Variants in FRMD6 observed in about 807,000 individuals in gnomAD.
FRMD6 encodes the protein FERM domain-containing protein 6.
Under a neutral mutation model 73.2 loss-of-function variants are expected in FRMD6, and 37 were observed. The observed-to-expected ratio is 0.51, with a 90% CI of 0.39 to 0.66. The LOEUF is 0.66. Ranked by LOEUF, FRMD6 falls within the 30% of genes least tolerant of loss-of-function variation. The probability of loss-of-function intolerance (pLI) is 0.00; values close to 1 mark genes in which losing one functional copy is unlikely to be tolerated. For synonymous variants in FRMD6, 273 were observed against 282.2 expected, an observed-to-expected ratio of 0.97 and a Z score of 0.33; for missense variants, 714 against 780.5, an observed-to-expected ratio of 0.91 and a Z score of 1.02.
chr14:51,547,974 T>C (rs926424394), intron 1 of FRMD6: 1 of 152,094 alleles, frequency 6.6e-6, no homozygotes. Context: ...TCATATAACA[T>C]TCATTTTGAA....
At chr14:51,426,117 C>T in the FRMD6 span, among the ~76,000 whole-genome samples, 1 of 152,120 alleles carries the variant, frequency 6.6e-6, no homozygotes, top group African/African-American at 2.4e-5. Flanking sequence ...TAACAAATAT[C>T]CCATTTTATT....
the FRMD6 span, among the ~76,000 whole-genome samples, chr14:51,403,360 G>A: frequency 6.6e-6 from 1 of 151,926 alleles, no homozygotes; most frequent in Non-Finnish European, 1.5e-5. Context: ...TTTGAACTTT[G>A]TACAAATAGA....
chr14:51,658,792 TTA>T (rs1247019525), intron 1 of FRMD6, among the ~76,000 whole-genome samples: 2 of 152,200 alleles, frequency 1.3e-5, no homozygotes, highest in Non-Finnish European at 2.9e-5. Flanking sequence ...ACATTTTATT[TTA>T]TGTTTCCCTA....
chr14:51,702,492 G>GTT lies in FRMD6; in HGVS notation c.295-19_295-18insTT. The GTT allele has an allele frequency of 6.2e-7, 1 of 1,603,148 alleles. No homozygotes were observed. Among genetic ancestry groups the GTT allele is most frequent in the Non-Finnish European group, 8.5e-7 (1 of 1,172,218 alleles). Reference sequence around the variant, plus strand: ...AGTAACTAGAAATAGCTTGATTTTTGTGTGTGCTTTTGTTTCTAGGGTATC... The same window carrying GTT: ...AGTAACTAGAAATAGCTTGATTTTTGTTTGTGTGCTTTTGTTTCTAGGGTATC... On this transcript the variant is annotated intron_variant, in intron 4 of 13. Transcript: ENST00000344768.
intron 1 of FRMD6, among the ~76,000 whole-genome samples, chr14:51,516,383 A>G (rs1032124508): frequency 2.0e-5 from 3 of 152,116 alleles, no homozygotes; most frequent in Non-Finnish European, 4.4e-5. Flanking sequence ...TGATTAAAGC[A>G]TTCACTTGGG....
At chr14:51,424,073 T>C in the FRMD6 span, among the ~76,000 whole-genome samples, 1 of 152,188 alleles carries the variant, frequency 6.6e-6, no homozygotes, top group East Asian at 1.9e-4. Context: ...AATTGGGCAG[T>C]AATTGATTAG....
chr14:51,715,508 G>C lies in FRMD6; in HGVS notation c.1024+9G>C, dbSNP rs761621647. The C allele has an allele frequency of 6.3e-7, 1 of 1,586,312 alleles. No individual in the cohort carries two copies. The highest frequency in any genetic ancestry group is 1.8e-5 in the Admixed American group (1 of 56,238). ...GCTGGAGGAAAACGAAGGTATTGCA[G>C]GGTCTGGGGTGTGGAAGCAAATTGT... On this transcript the variant is annotated intron_variant, in intron 10 of 13. Transcript: ENST00000344768.
At position 51,730,712 on chromosome 14, in the gene FRMD6, CT is replaced by C; in HGVS notation, c.*2689del. ...GTAAGATTAGCAGTCAATAAAGTTA[CT>C]TTTTTGCCTTTAAATTGCCTTTTTG... On this transcript the variant is annotated 3_prime_UTR_variant, in exon 14 of 14. Coordinates refer to ENST00000344768, the MANE Select transcript of FRMD6 (RefSeq NM_001267046.2). 1 of 152,280 alleles carries C rather than the reference CT, an allele frequency of 6.6e-6. No homozygotes were observed. Among genetic ancestry groups the C allele is most frequent in the Non-Finnish European group, 1.5e-5 (1 of 68,020 alleles). The allele number at this position is 152,280 out of a possible 1,614,324, so 9.4% of individuals were successfully genotyped here. A position where few individuals can be genotyped will look rare whatever the true frequency, so the allele number is the denominator to read the frequency against.
At chr14:51,474,336 A>G in the FRMD6 span, among the ~76,000 whole-genome samples, 1 of 152,308 alleles carries the variant, frequency 6.6e-6, no homozygotes, top group Middle Eastern at 3.4e-3. Context: ...CTACATCACA[A>G]AAGTTCATTA....
At chr14:51,653,253 G>T (rs77516864) in intron 1 of FRMD6, among the ~76,000 whole-genome samples, 6,128 of 152,228 alleles carry the variant, frequency 0.04, 138 homozygotes, top group Middle Eastern at 0.071. Flanking sequence ...GTTTGTTTAT[G>T]GGTTTTATAA....
intron 1 of FRMD6, among the ~76,000 whole-genome samples, chr14:51,506,022 A>C (rs1222320778): frequency 6.6e-6 from 1 of 152,166 alleles, no homozygotes; most frequent in Non-Finnish European, 1.5e-5. Flanking sequence ...AATCTGCCAT[A>C]GCTACAGAAT....
the FRMD6 span, among the ~76,000 whole-genome samples, chr14:51,419,283 CTG>C: frequency 1.3e-5 from 2 of 152,198 alleles, no homozygotes; most frequent in African/African-American, 4.8e-5. Flanking sequence ...GAGCTGCAGA[CTG>C]GAGCTGTTCC....
chr14:51,722,660 A>G (rs1294911409), intron 12 of FRMD6, among the ~76,000 whole-genome samples: 3 of 152,234 alleles, frequency 2.0e-5, no homozygotes, highest in African/African-American at 7.2e-5. Context: ...TACATCATAT[A>G]TATTTCTGTT....
chr14:51,412,820 C>G, the FRMD6 span, among the ~76,000 whole-genome samples: 2 of 151,620 alleles, frequency 1.3e-5, no homozygotes, highest in Admixed American at 1.3e-4. Context: ...CCACTGCACT[C>G]CAGTCTGGGC....
Position 51,712,552 on chromosome 14 carries a change from G to A in FRMD6, c.849+1G>A. The A allele has an allele frequency of 6.3e-7, 1 of 1,583,698 alleles. No individual in the cohort carries two copies. Among genetic ancestry groups the A allele is most frequent in the Non-Finnish European group, 8.7e-7 (1 of 1,153,508 alleles). On this transcript the variant is annotated splice_donor_variant, in intron 9 of 13. Transcript: ENST00000344768. LOFTEE classifies it high-confidence loss of function. Reference sequence around the variant, plus strand: ...AAATGTTGGAAAATTGGTGTTTGTGGTAAGTTTAAAATAACTGGCTTAAAA... The same window carrying A: ...AAATGTTGGAAAATTGGTGTTTGTGATAAGTTTAAAATAACTGGCTTAAAA...
At chr14:51,709,078 A>G (rs190851400) in intron 7 of FRMD6, among the ~76,000 whole-genome samples, 43 of 152,200 alleles carry the variant, frequency 2.8e-4, no homozygotes, top group African/African-American at 9.1e-4. Flanking sequence ...TCACTATTCC[A>G]TAAGTGCCAC....
chr14:51,536,513 G>A (rs185251732), intron 1 of FRMD6, among the ~76,000 whole-genome samples: 123 of 152,106 alleles, frequency 8.1e-4, no homozygotes, highest in African/African-American at 2.7e-3. Flanking sequence ...TGCCTCCTGG[G>A]TTCAAGCGAT....
intron 1 of FRMD6, among the ~76,000 whole-genome samples, chr14:51,665,933 G>A (rs1478701211): frequency 6.6e-6 from 1 of 152,212 alleles, no homozygotes; most frequent in East Asian, 1.9e-4. Context: ...CCCCAGCCAC[G>A]TGGAACTGTA....
chr14:51,621,907 T>G (rs757200598), intron 2 of FRMD6, among the ~76,000 whole-genome samples: 4 of 152,186 alleles, frequency 2.6e-5, no homozygotes, highest in Non-Finnish European at 5.9e-5. Flanking sequence ...CCAGCATAAA[T>G]AGGTGACCAT....
Sources: gnomAD v4.1 joint callset for allele counts (sites outside exome capture counted in the v4.1 genomes callset) on GRCh38, gnomAD v4.1.1 for gene constraint, MANE v1.5 for transcripts, NCBI Gene and HGNC (gene_info 2026-07-23, HGNC 2026-07-21) for gene names.